Variants in C16orf87 observed in about 807,000 individuals in gnomAD.
The protein encoded by C16orf87 is UPF0547 protein C16orf87.
A neutral mutation model predicts 21.0 loss-of-function variants in C16orf87; 13 were observed. That is an observed-to-expected ratio of 0.62 (90% CI 0.40 to 0.98). The LOEUF (loss-of-function observed/expected upper bound fraction) is 0.98. Ranked by LOEUF, C16orf87 falls within the 50% of genes least tolerant of loss-of-function variation. C16orf87 has a pLI of 0.00. For synonymous variants in C16orf87, 49 were observed against 60.2 expected (o/e 0.81, Z 0.86); for missense variants, 113 against 180.4 (o/e 0.63, Z 2.14).
intron 2 of C16orf87, among the ~76,000 whole-genome samples, chr16:46,822,327 C>T (rs1959447682): frequency 6.6e-6 from 1 of 152,158 alleles, no homozygotes; most frequent in South Asian, 2.1e-4. Flanking sequence ...ACTTTGTCTC[C>T]CTAAGAACAA....
Position 46,802,976 on chromosome 16 carries a change from A to C in C16orf87, c.441T>G (p.Ile147Met). Residue 147 changes from isoleucine to methionine, a missense_variant, in exon 4 of 4, where the codon ATT becomes ATG. Ile to Met is a conservative substitution (Grantham distance 10, BLOSUM62 1). Transcript: ENST00000285697. ...ATCAGAGAATAAGTCTTTGATTGAT[A>C]ATTTTTCTATTTATTTCTGCCAAGG... is the stretch of plus-strand genomic sequence containing the variant. ...SVALAEINRK[I>M]INQRLIL 1 of 1,585,086 alleles carries C rather than the reference A, an allele frequency of 6.3e-7. No individual in the cohort carries two copies. The highest frequency in any genetic ancestry group is 8.7e-7 in the Non-Finnish European group (1 of 1,154,524).
intron 1 of C16orf87, among the ~76,000 whole-genome samples, chr16:46,830,092 TA>T (rs1959783012): frequency 6.6e-6 from 1 of 152,112 alleles, no homozygotes; most frequent in Admixed American, 6.5e-5. Flanking sequence ...CATTAGATGT[TA>T]AGGCTTAAAG....
intron 1 of C16orf87, chr16:46,830,746 G>A (rs1480092081): frequency 4.4e-6 from 1 of 226,108 alleles, no homozygotes; most frequent in Non-Finnish European, 8.6e-6. Context: ...CGGCCCGCAG[G>A]CTCCCACCGC....
chr16:46,813,713 T>C (rs554063747), intron 2 of C16orf87, among the ~76,000 whole-genome samples: 9 of 152,282 alleles, frequency 5.9e-5, no homozygotes, highest in Admixed American at 5.2e-4. Context: ...ATGTATACGC[T>C]AATCCTTCTG....
At chr16:46,819,639 C>A (rs1424918030) in intron 2 of C16orf87, among the ~76,000 whole-genome samples, 4 of 152,032 alleles carry the variant, frequency 2.6e-5, no homozygotes, top group African/African-American at 9.6e-5. Context: ...TTACTGCTAA[C>A]ACGCATCTCT....
rs115370670 is a variant in C16orf87, at chr16:46,821,378, T to C, written c.163+3008A>G. On this transcript the variant is annotated intron_variant, in intron 2 of 3. Transcript: ENST00000285697. ...CTGTTTTTGAGGCTTTGAATACTCT[T>C]AATCCTCTCCCTAAAATCTTTTCCT... Among the ~76,000 whole-genome samples the C allele has an allele frequency of 3.4e-3, 523 of 152,314 alleles. 2 individuals carry two copies. Among genetic ancestry groups the C allele is most frequent in the African/African-American group, 0.012 (497 of 41,570 alleles).
chr16:46,821,296 G>GCTGTCCCT (rs1567315072), intron 2 of C16orf87, among the ~76,000 whole-genome samples: 2 of 152,174 alleles, frequency 1.3e-5, no homozygotes, highest in Non-Finnish European at 2.9e-5. Flanking sequence ...CTTAGAAAGG[G>GCTGTCCCT]ACAGAATCTG....
intron 2 of C16orf87, 83 bp downstream of exon 2, chr16:46,824,303 A>T (rs1959530930): frequency 1.4e-6 from 1 of 699,302 alleles, no homozygotes; most frequent in African/African-American, 1.9e-5. Context: ...TAACTTCAAC[A>T]AAAAATGTAA....
chr16:46,799,070 G>C lies in C16orf87; in HGVS notation c.*3882C>G, dbSNP rs1967701642. ...AAATTATCAATAAAAGAACAAAACA[G>C]ATTCCTTAATAATGCAAAAGGCAAA... On this transcript the variant is annotated 3_prime_UTR_variant, in exon 4 of 4. Transcript: ENST00000285697. The C allele has an allele frequency of 1.3e-5, 2 of 152,092 alleles. No homozygotes were observed. The highest frequency in any genetic ancestry group is 1.3e-4 in the Admixed American group (2 of 15,278). The allele number at this position is 152,092 out of a possible 1,614,324, so 9.4% of individuals were successfully genotyped here.
At chr16:46,806,709 T>G (rs1025829679) in intron 3 of C16orf87, among the ~76,000 whole-genome samples, 4 of 152,356 alleles carry the variant, frequency 2.6e-5, no homozygotes, top group Non-Finnish European at 5.9e-5. Context: ...TTTAATGATT[T>G]GTTTTTATGA....
At chr16:46,829,928 TAA>T (rs527744708) in intron 1 of C16orf87, among the ~76,000 whole-genome samples, 6 of 84,304 alleles carry the variant, frequency 7.1e-5, no homozygotes, top group Non-Finnish European at 6.8e-5. Flanking sequence ...ACTCTTGATT[TAA>T]AAAAAAAAAA....
In C16orf87 at chr16:46,824,497, G is replaced by A. The variant is rs776917128; in HGVS notation, c.67-15C>T. On this transcript the variant is annotated splice_polypyrimidine_tract_variant and intron_variant, in intron 1 of 3. Coordinates refer to ENST00000285697, the MANE Select transcript of C16orf87 (RefSeq NM_001001436.4). ...GCAACAGGAACCTGTAGGAAAAAAAGAAAAATATATATTATTACTATTTTT... is the reference window on the plus strand; with the variant it reads ...GCAACAGGAACCTGTAGGAAAAAAAAAAAAATATATATTATTACTATTTTT... The A allele has an allele frequency of 6.1e-6, 7 of 1,149,368 alleles. No individual in the cohort carries two copies. The highest frequency in any genetic ancestry group is 2.2e-5 in the Admixed American group (1 of 46,338). The allele number at this position is 1,149,368 out of a possible 1,614,324, so 71.2% of individuals were successfully genotyped here.
intron 2 of C16orf87, among the ~76,000 whole-genome samples, chr16:46,813,986 C>T (rs1968171918): frequency 6.6e-6 from 1 of 152,042 alleles, no homozygotes; most frequent in Non-Finnish European, 1.5e-5. Context: ...TAAATAAAAT[C>T]GGATAGGACA....
At chr16:46,830,238 T>C (rs547894253) in intron 1 of C16orf87, among the ~76,000 whole-genome samples, 1 of 103,232 alleles carries the variant, frequency 9.7e-6, no homozygotes, top group East Asian at 2.9e-4. Context: ...AGAAACGAGA[T>C]AGAGAGATAG....
chr16:46,822,967 A>G (rs1247910214), intron 2 of C16orf87, among the ~76,000 whole-genome samples: 1 of 152,190 alleles, frequency 6.6e-6, no homozygotes, highest in Non-Finnish European at 1.5e-5. Context: ...TTCTAATCAT[A>G]CTGTCTACAC....
chr16:46,801,223 C>T lies in C16orf87; in HGVS notation c.*1729G>A, dbSNP rs985154844. ...GAAACTACTAGTTAAGACTCTAAAA[C>T]GCACACAAGGCTGAGTGCAGTGGCT... On this transcript the variant is annotated 3_prime_UTR_variant, in exon 4 of 4. Transcript: ENST00000285697. 2.0e-5 allele frequency: 3 copies of T among 152,100 alleles called. No homozygotes were observed. Among genetic ancestry groups the T allele is most frequent in the African/African-American group, 7.2e-5 (3 of 41,420 alleles). The allele number at this position is 152,100 out of a possible 1,614,324, so 9.4% of individuals were successfully genotyped here.
At chr16:46,823,894 G>A (rs1959516670) in intron 2 of C16orf87, among the ~76,000 whole-genome samples, 1 of 152,296 alleles carries the variant, frequency 6.6e-6, no homozygotes, top group South Asian at 2.1e-4. Flanking sequence ...ACAGAAAGCA[G>A]ATCTGTGGTT....
chr16:46,830,859 T>G (rs1330163058), intron 1 of C16orf87: 3 of 364,734 alleles, frequency 8.2e-6, no homozygotes, highest in Non-Finnish European at 1.5e-5. Flanking sequence ...AAGAAGGGGC[T>G]TGGCCGTCTG....
At position 46,809,956 on chromosome 16, in the gene C16orf87, AAG is replaced by A. The variant is rs1968037201; in HGVS notation, c.164-173_164-172del. On this transcript the variant is annotated intron_variant, in intron 2 of 3. Transcript: ENST00000285697. ...CTCCCCCACACCCTCATAAGAAAAA[AAG>A]AAATTCAATAGAATTCAGATCACAA... Among the ~76,000 whole-genome samples, 6 of 152,340 alleles carry A rather than the reference AAG, an allele frequency of 3.9e-5. No individual in the cohort carries two copies. In the South Asian group the frequency reaches 1.2e-3, roughly 32 times the overall value.
Sources: gnomAD v4.1 joint callset for allele counts (sites outside exome capture counted in the v4.1 genomes callset) on GRCh38, gnomAD v4.1.1 for gene constraint, MANE v1.5 for transcripts, NCBI Gene and HGNC (gene_info 2026-07-23, HGNC 2026-07-21) for gene names.